EYA3: variants seen among roughly 807,000 people sequenced by gnomAD.
The protein encoded by EYA3 is EYA transcriptional coactivator and phosphatase 3, also known as protein phosphatase EYA3.
Under a neutral mutation model 80.0 loss-of-function variants are expected in EYA3, and 39 were observed. That is an observed-to-expected ratio of 0.49 (90% CI 0.38 to 0.64). The LOEUF is 0.64. Among genes scored for constraint, EYA3 ranks in the 30% least tolerant of loss-of-function variants. The probability of loss-of-function intolerance (pLI) is 0.00; values close to 1 mark genes in which losing one functional copy is unlikely to be tolerated. For synonymous variants in EYA3, 206 were observed against 232.8 expected (o/e 0.88, Z 1.05); for missense variants, 523 against 676.1 (o/e 0.77, Z 2.51).
At chr1:28,077,636 A>AT (rs1645270201) in intron 1 of EYA3, among the ~76,000 whole-genome samples, 1 of 152,126 alleles carries the variant, frequency 6.6e-6, no homozygotes, top group Non-Finnish European at 1.5e-5. Context: ...AACAAGTGAC[A>AT]TGAAAAAAAA....
chr1:28,027,663 C>G (rs1216150210), intron 7 of EYA3, 126 bp downstream of exon 7: 1 of 1,209,858 alleles, frequency 8.3e-7, no homozygotes, highest in Non-Finnish European at 1.2e-6. Flanking sequence ...CAAGTATCAC[C>G]CCCTTTCTAC....
Position 28,062,657 on chromosome 1 carries a change from G to GGTGGGTGTGTGT in EYA3, c.-68-4564_-68-4563insACACACACCCAC, listed in dbSNP as rs1553155519. Among the ~76,000 whole-genome samples the GGTGGGTGTGTGT allele has an allele frequency of 2.8e-5, 4 of 141,528 alleles. No homozygotes were observed. In the East Asian group the frequency reaches 8.2e-4, roughly 29 times the overall value. 92.8% of individuals were successfully genotyped at this position (141,528 alleles called of 152,430 possible). A position where few individuals can be genotyped will look rare whatever the true frequency, so the allele number is the denominator to read the frequency against. ...TAGGAAGAGAAATTAAATATATGTA[G>GGTGGGTGTGTGT]GTGTGTGTGTGTGTGTGTGTGTGTG... is the stretch of plus-strand genomic sequence containing the variant. On this transcript the variant is annotated intron_variant, in intron 1 of 17. Transcript: ENST00000373871.
Position 28,073,127 on chromosome 1 carries a change from A to ATATTTT in EYA3, c.-68-15034_-68-15033insAAAATA, listed in dbSNP as rs1553157671. ...ATTATATATATATATATATATATAT[A>ATATTTT]TTTTTTTTTTTTTTTTTTTTTTTTA... is the stretch of plus-strand genomic sequence containing the variant. On this transcript the variant is annotated intron_variant, in intron 1 of 17. Coordinates refer to ENST00000373871, the MANE Select transcript of EYA3 (RefSeq NM_001990.4). Among the ~76,000 whole-genome samples the ATATTTT allele has an allele frequency of 3.3e-4, 5 of 14,998 alleles. 1 individual carries two copies. Among genetic ancestry groups the ATATTTT allele is most frequent in the African/African-American group, 1.3e-3 (4 of 3,170 alleles). 9.8% of individuals were successfully genotyped at this position (14,998 alleles called of 152,430 possible).
At chr1:28,025,081 C>G (rs1642692382) in intron 7 of EYA3, among the ~76,000 whole-genome samples, 1 of 152,138 alleles carries the variant, frequency 6.6e-6, no homozygotes, top group Non-Finnish European at 1.5e-5. Flanking sequence ...CTAACATTCA[C>G]TATCCATGCT....
chr1:28,040,664 AAAT>A (rs1643722759), intron 4 of EYA3, among the ~76,000 whole-genome samples: 1 of 152,152 alleles, frequency 6.6e-6, no homozygotes, highest in Non-Finnish European at 1.5e-5. Context: ...TGCAACATGA[AAAT>A]AACTAATGGC....
intron 4 of EYA3, among the ~76,000 whole-genome samples, chr1:28,042,211 C>T (rs1276634397): frequency 1.3e-5 from 2 of 152,004 alleles, no homozygotes; most frequent in Non-Finnish European, 2.9e-5. Flanking sequence ...TCAAGACACA[C>T]CTTTTAAAAA....
chr1:28,013,340 T>C lies in EYA3; in HGVS notation c.586-46A>G. 3 of 1,440,998 alleles carry C rather than the reference T, an allele frequency of 2.1e-6. No homozygotes were observed. The highest frequency in any genetic ancestry group is 2.8e-6 in the Non-Finnish European group (3 of 1,076,052). The allele number at this position is 1,440,998 out of a possible 1,614,324, so 89.3% of individuals were successfully genotyped here. A position where few individuals can be genotyped will look rare whatever the true frequency, so the allele number is the denominator to read the frequency against. On this transcript the variant is annotated intron_variant, in intron 8 of 17. Transcript: ENST00000373871. This position sits in a 1 kb window ranked among gnomAD's most constrained non-coding sequence, Gnocchi z 4.0. ...GAAAACAAGACTCTTATAGCATACA[T>C]TAATCTCAACACAAGAGGCTTTCTT...
Position 27,978,449 on chromosome 1 carries a change from A to T in EYA3, c.1566T>A (p.Ile522=). 2 of 1,614,052 alleles carry T rather than the reference A, an allele frequency of 1.2e-6. No individual in the cohort carries two copies. The highest frequency in any genetic ancestry group is 1.7e-6 in the Non-Finnish European group (2 of 1,179,950). The change falls in exon 17 of 18, where the codon ATT becomes ATA. Residue 522 remains isoleucine (I), a synonymous_variant. Coordinates refer to ENST00000373871, the MANE Select transcript of EYA3 (RefSeq NM_001990.4). ...TGACTTTCTTTCCAAACCTTGACAC[A>T]ATTCTCTCAAAGCAGCTCTCCTTAC... is the stretch of plus-strand genomic sequence containing the variant. ...KIGKESCFER[I]VSRFGKKVTY...
At chr1:28,034,821 T>C (rs549569791) in intron 6 of EYA3, among the ~76,000 whole-genome samples, 1 of 152,296 alleles carries the variant, frequency 6.6e-6, no homozygotes, top group Admixed American at 6.5e-5. Context: ...TACATATTTT[T>C]AAATAATATA....
intron 5 of EYA3, among the ~76,000 whole-genome samples, chr1:28,036,056 C>A (rs1643437047): frequency 6.6e-6 from 1 of 152,212 alleles, no homozygotes; most frequent in Admixed American, 6.5e-5. Flanking sequence ...CTCAAGTGAT[C>A]CACCCACCTT....
chr1:28,058,031 A>G lies in EYA3; in HGVS notation c.-5T>C. On this transcript the variant is annotated 5_prime_UTR_variant, in exon 2 of 18. Transcript: ENST00000373871. ...TAAATCTTGCTCTTCTTCCATGAGG[A>G]CCAATATTTCTTTATTATACTTATG... 1 of 1,586,816 alleles carries G rather than the reference A, an allele frequency of 6.3e-7. No individual in the cohort carries two copies. Among genetic ancestry groups the G allele is most frequent in the South Asian group, 1.1e-5 (1 of 87,404 alleles).
intron 8 of EYA3, among the ~76,000 whole-genome samples, chr1:28,015,811 A>C (rs554430118): frequency 2.9e-4 from 44 of 152,318 alleles, no homozygotes; most frequent in Admixed American, 9.8e-4. Context: ...ATAATGGAAG[A>C]TATCTGGTCT....
chr1:28,057,317 A>G (rs967342144), intron 2 of EYA3, among the ~76,000 whole-genome samples: 1 of 152,078 alleles, frequency 6.6e-6, no homozygotes, highest in Non-Finnish European at 1.5e-5. Flanking sequence ...CTTAATATGA[A>G]ATGTAAGAGG....
At position 28,013,995 on chromosome 1, in the gene EYA3, G is replaced by T. The variant is rs941756375; in HGVS notation, c.586-701C>A. Among the ~76,000 whole-genome samples, 3 of 152,118 alleles carry T rather than the reference G, an allele frequency of 2.0e-5. No homozygotes were observed. The highest frequency in any genetic ancestry group is 4.4e-5 in the Non-Finnish European group (3 of 68,010). The stretch of plus-strand genomic sequence containing the variant: ...CAAGAATCGCTTGAACCTGGAAAGC[G>T]GAGGTTGCAGTGAGCCGAGATTGCA... On this transcript the variant is annotated intron_variant, in intron 8 of 17. Transcript: ENST00000373871. The surrounding 1 kb of genome is among the most constrained non-coding windows in gnomAD (Gnocchi z 4.0).
chr1:28,085,453 T>C (rs1027727786), intron 1 of EYA3, among the ~76,000 whole-genome samples: 1 of 152,074 alleles, frequency 6.6e-6, no homozygotes, highest in Admixed American at 6.5e-5. Flanking sequence ...TGTTTTGTTT[T>C]TTGTCTCAAA....
In EYA3 at chr1:28,072,724, G is replaced by A. The variant is rs139417839; in HGVS notation, c.-68-14630C>T. Among the ~76,000 whole-genome samples, 750 of 152,150 alleles carry A rather than the reference G, an allele frequency of 4.9e-3. 6 individuals carry two copies. Among genetic ancestry groups the A allele is most frequent in the Non-Finnish European group, 8.2e-3 (560 of 68,006 alleles). ...CTATACAATCCTTCAATCCCATTCC[G>A]AGGTATCTACCTAAGTGAAAAGAAT... On this transcript the variant is annotated intron_variant, in intron 1 of 17. Transcript: ENST00000373871.
intron 10 of EYA3, among the ~76,000 whole-genome samples, chr1:28,007,455 C>G (rs1641371371): frequency 6.6e-6 from 1 of 151,814 alleles, no homozygotes; most frequent in South Asian, 2.1e-4. Flanking sequence ...TTGCCTTAGC[C>G]TCCCGAGTAG....
At chr1:27,977,199 A>G (rs889786208) in intron 17 of EYA3, 3 of 1,490,144 alleles carry the variant, frequency 2.0e-6, no homozygotes, top group African/African-American at 2.8e-5. Context: ...TTCATAACAT[A>G]TGTGAAAAAA....
At chr1:28,023,494 T>C (rs1428812118) in intron 7 of EYA3, among the ~76,000 whole-genome samples, 2 of 152,198 alleles carry the variant, frequency 1.3e-5, no homozygotes, top group East Asian at 3.8e-4. Flanking sequence ...ATAATGATGA[T>C]AGTATGGCAC....
Sources: gnomAD v4.1 joint callset for allele counts (sites outside exome capture counted in the v4.1 genomes callset) on GRCh38, gnomAD v4.1.1 for gene constraint, Gnocchi (gnomAD v3.1) non-coding constraint, MANE v1.5 for transcripts, NCBI Gene and HGNC (gene_info 2026-07-23, HGNC 2026-07-21) for gene names.